PHF21B: variants seen among roughly 807,000 people sequenced by gnomAD.
PHF21B encodes PHD finger protein 21B.
A neutral mutation model predicts 62.2 loss-of-function variants in PHF21B; 22 were observed. The observed-to-expected ratio is 0.35, with a 90% CI of 0.25 to 0.51. The LOEUF (loss-of-function observed/expected upper bound fraction) is 0.51, where lower values mean the gene tolerates loss of function less well. PHF21B is among the 20% of genes least tolerant of loss of function. PHF21B has a pLI of 0.97. For missense variants in PHF21B, 701 were observed against 707.9 expected, an observed-to-expected ratio of 0.99 and a Z score of 0.11; for synonymous variants, 341 against 314.7, an observed-to-expected ratio of 1.08 and a Z score of -0.88.
At chr22:44,985,903 T>G (rs1409612706) in intron 2 of PHF21B, among the ~76,000 whole-genome samples, 4 of 145,676 alleles carry the variant, frequency 2.7e-5, no homozygotes, top group African/African-American at 1.0e-4. Context: ...ACCATCACCA[T>G]GAGCACCACC....
rs2070999431 is a variant in PHF21B at position 44,893,326 on chromosome 22, C to G, written c.960+131G>C. The G allele has an allele frequency of 3.9e-6, 3 of 770,428 alleles. No homozygotes were observed. The East Asian group carries it at 8.1e-5, about 21-fold the overall frequency. 47.7% of individuals were successfully genotyped at this position (770,428 alleles called of 1,614,324 possible). ...AGATGATTTACGGTCACCCCCCAGCCCCACTCCCAGGAGGGACAGACGAGG... is the reference window on the plus strand; with the variant it reads ...AGATGATTTACGGTCACCCCCCAGCGCCACTCCCAGGAGGGACAGACGAGG... On this transcript the variant is annotated intron_variant, in intron 7 of 12. Transcript: ENST00000313237.
At chr22:44,953,942 C>A (rs575674960) in intron 2 of PHF21B, among the ~76,000 whole-genome samples, 2 of 152,354 alleles carry the variant, frequency 1.3e-5, no homozygotes, top group East Asian at 3.9e-4. Flanking sequence ...GAGGTGAAGC[C>A]AGGCTCGGCC....
intron 8 of PHF21B, 39 bp from the exon 9 acceptor site, chr22:44,889,821 C>T (rs369401413): frequency 1.3e-6 from 2 of 1,538,256 alleles, no homozygotes; most frequent in Admixed American, 2.3e-5. Context: ...CGTTAGTGGC[C>T]GTCAGAGGAG....
At chr22:44,975,782 C>T in intron 2 of PHF21B, among the ~76,000 whole-genome samples, 1 of 152,242 alleles carries the variant, frequency 6.6e-6, no homozygotes, top group Non-Finnish European at 1.5e-5. Context: ...GTCCTCCCAC[C>T]CAGGGCTCCA....
At chr22:44,938,477 C>T (rs1352161259) in intron 2 of PHF21B, among the ~76,000 whole-genome samples, 1 of 152,242 alleles carries the variant, frequency 6.6e-6, no homozygotes, top group African/African-American at 2.4e-5. Context: ...AAGTGGTCCG[C>T]CTGCCTTGGC....
At chr22:44,936,270 T>C (rs1011034954) in intron 2 of PHF21B, among the ~76,000 whole-genome samples, 1 of 152,154 alleles carries the variant, frequency 6.6e-6, no homozygotes, top group African/African-American at 2.4e-5. Context: ...CCATGTCCAG[T>C]GGAGACGGCA....
intron 2 of PHF21B, among the ~76,000 whole-genome samples, chr22:44,944,104 A>T (rs375526623): frequency 6.6e-4 from 100 of 152,276 alleles, no homozygotes; most frequent in African/African-American, 2.0e-3. Context: ...CGCAAGCCTC[A>T]GTTTCTCCAT....
intron 2 of PHF21B, among the ~76,000 whole-genome samples, chr22:44,983,681 A>G (rs1367927077): frequency 6.6e-6 from 1 of 152,232 alleles, no homozygotes; most frequent in Non-Finnish European, 1.5e-5. Context: ...GCAGATGAAG[A>G]GAAATGTCTA....
At position 45,009,801 on chromosome 22, in the gene PHF21B, C is replaced by A; in HGVS notation, c.-252G>T. 5.1e-6 allele frequency: 1 copy of A among 195,560 alleles called. No individual in the cohort carries two copies. The highest frequency in any genetic ancestry group is 1.6e-4 in the South Asian group (1 of 6,280). The allele number at this position is 195,560 out of a possible 1,614,324, so 12.1% of individuals were successfully genotyped here. On this transcript the variant is annotated 5_prime_UTR_variant, in exon 1 of 13. Coordinates refer to ENST00000313237, the MANE Select transcript of PHF21B (RefSeq NM_138415.5). This position sits in a 1 kb window ranked among gnomAD's most constrained non-coding sequence, Gnocchi z 5.9. ...TGCCCGGCAAGTTGCGCCGGGTCCCCGGGCTGCCGGCGCGGCCCGGAGCAT... is the reference window on the plus strand; with the variant it reads ...TGCCCGGCAAGTTGCGCCGGGTCCCAGGGCTGCCGGCGCGGCCCGGAGCAT...
At chr22:44,944,697 C>T (rs887637214) in intron 2 of PHF21B, among the ~76,000 whole-genome samples, 2 of 152,154 alleles carry the variant, frequency 1.3e-5, no homozygotes, top group African/African-American at 4.8e-5. Flanking sequence ...GGCCTTCGAA[C>T]GGGAATGTCT....
intron 2 of PHF21B, among the ~76,000 whole-genome samples, chr22:44,937,786 C>G (rs1169703229): frequency 6.6e-6 from 1 of 152,226 alleles, no homozygotes; most frequent in Non-Finnish European, 1.5e-5. Context: ...CTCGATGACA[C>G]GGAGGAGCCT....
rs73422596 is a variant in PHF21B, at chr22:44,965,255, C to T, written c.120+43290G>A. On this transcript the variant is annotated intron_variant, in intron 2 of 12. Coordinates refer to ENST00000313237, the MANE Select transcript of PHF21B (RefSeq NM_138415.5). ...TCTGGCCAACTCGGCTGCACACCTG[C>T]TTGTATGTGGATGGCCACGCTCATC... 9.8e-3 allele frequency among the ~76,000 whole-genome samples: 1,488 copies of T among 152,196 alleles called. 32 individuals are homozygous for T. The highest frequency in any genetic ancestry group is 0.034 in the African/African-American group (1,424 of 41,508).
chr22:44,900,054 A>G (rs573644459), intron 5 of PHF21B, among the ~76,000 whole-genome samples: 1 of 152,332 alleles, frequency 6.6e-6, no homozygotes, highest in East Asian at 1.9e-4. Flanking sequence ...CCCAACTGCT[A>G]CAGATAAGCT....
chr22:44,919,092 A>G (rs557611556), intron 3 of PHF21B, among the ~76,000 whole-genome samples: 2 of 152,162 alleles, frequency 1.3e-5, no homozygotes, highest in African/African-American at 4.8e-5. Context: ...TCAGCCTGCA[A>G]TGTCCTCTTA....
At chr22:44,950,329 C>T (rs1030614513) in intron 2 of PHF21B, among the ~76,000 whole-genome samples, 7 of 152,234 alleles carry the variant, frequency 4.6e-5, no homozygotes, top group Admixed American at 2.0e-4. Flanking sequence ...TACCCTCTGT[C>T]GTTTCATCAA....
chr22:44,948,479 T>TTA (rs2072123485), intron 2 of PHF21B, among the ~76,000 whole-genome samples: 1 of 152,048 alleles, frequency 6.6e-6, no homozygotes, highest in Non-Finnish European at 1.5e-5. Context: ...GTCGGGAGTT[T>TTA]GAGACTAGCC....
chr22:44,964,339 G>C (rs545259755), intron 2 of PHF21B, among the ~76,000 whole-genome samples: 2 of 152,156 alleles, frequency 1.3e-5, no homozygotes, highest in African/African-American at 4.8e-5. Context: ...CGGCCCGAGG[G>C]AGGATGGGAC....
chr22:44,963,918 C>T (rs1315324777), intron 2 of PHF21B, among the ~76,000 whole-genome samples: 2 of 152,218 alleles, frequency 1.3e-5, no homozygotes, highest in Non-Finnish European at 1.5e-5. Context: ...ATTGACTTCC[C>T]GGTAATGAAT....
chr22:44,890,761 C>T (rs984216985), intron 8 of PHF21B, among the ~76,000 whole-genome samples: 19 of 152,264 alleles, frequency 1.2e-4, no homozygotes, highest in Non-Finnish European at 1.9e-4. Flanking sequence ...AGGTAGAGGC[C>T]TGAGGCCAGG....
Sources: allele counts gnomAD v4.1 joint callset (sites outside exome capture counted in the v4.1 genomes callset), GRCh38; gene constraint gnomAD v4.1.1; non-coding constraint Gnocchi (gnomAD v3.1); transcripts MANE v1.5; gene names NCBI Gene and HGNC (gene_info 2026-07-23, HGNC 2026-07-21).